The following FIG4 variants were observed in gnomAD, a reference collection of about 807,000 sequenced individuals.
The protein encoded by FIG4 is polyphosphoinositide phosphatase.
In FIG4, 112 loss-of-function variants were observed where a neutral mutation model predicts 118.6. The observed-to-expected ratio is 0.94, with a 90% CI of 0.81 to 1.11. FIG4 has a LOEUF of 1.11. Ranked by LOEUF, FIG4 falls within the 50% of genes least tolerant of loss-of-function variation. The pLI, the probability that FIG4 is intolerant of heterozygous loss-of-function variation, is 0.00. For missense variants in FIG4, 969 were observed against 1,111.7 expected (o/e 0.87, Z 1.83); for synonymous variants, 369 against 381.2 (o/e 0.97, Z 0.37).
intron 9 of FIG4, 89 bp downstream of exon 9, chr6:109,743,361 G>A: frequency 1.5e-6 from 2 of 1,324,632 alleles, no homozygotes; most frequent in Non-Finnish European, 2.2e-6. Context: ...AAATGCTTAG[G>A]TTTTCAGGAG....
chr6:109,712,610 A>C (rs773992760), intron 1 of FIG4, among the ~76,000 whole-genome samples: 1 of 152,306 alleles, frequency 6.6e-6, no homozygotes, highest in Non-Finnish European at 1.5e-5. Context: ...AATGTTCTCT[A>C]TGCTGGCTAT....
chr6:109,705,249 A>G (rs1268374013), intron 1 of FIG4, among the ~76,000 whole-genome samples: 2 of 152,220 alleles, frequency 1.3e-5, no homozygotes, highest in Non-Finnish European at 2.9e-5. Context: ...TATATTCAAT[A>G]GGAAGGAAAT....
At chr6:109,824,999 A>C in intron 22 of FIG4, 89 bp from the exon 23 acceptor site, 2 of 1,220,258 alleles carry the variant, frequency 1.6e-6, no homozygotes, top group Non-Finnish European at 2.4e-6. Context: ...ATTCAATGCC[A>C]GCGACTCTCA....
intron 15 of FIG4, among the ~76,000 whole-genome samples, chr6:109,776,359 C>T (rs1388858157): frequency 6.6e-6 from 1 of 152,156 alleles, no homozygotes; most frequent in Non-Finnish European, 1.5e-5. Context: ...ATGGGCCAGG[C>T]TCACAGCTGA....
At chr6:109,768,183 G>A (rs1203284813) in intron 15 of FIG4, among the ~76,000 whole-genome samples, 1 of 152,168 alleles carries the variant, frequency 6.6e-6, no homozygotes, top group Non-Finnish European at 1.5e-5. Context: ...GTTGGCCTGG[G>A]TCCTGGCCAG....
chr6:109,710,333 G>A (rs1200439974), intron 1 of FIG4, among the ~76,000 whole-genome samples: 2 of 152,152 alleles, frequency 1.3e-5, no homozygotes, highest in Non-Finnish European at 1.5e-5. Context: ...TAAGCTTTTT[G>A]ATGTGCTGCT....
chr6:109,768,640 A>G (rs975982449), intron 15 of FIG4, among the ~76,000 whole-genome samples: 12 of 152,192 alleles, frequency 7.9e-5, no homozygotes, highest in Admixed American at 5.2e-4. Context: ...TGTAGGACTC[A>G]TAGCAGCGTG....
chr6:109,813,878 A>G (rs1373572117), intron 22 of FIG4, among the ~76,000 whole-genome samples: 1 of 152,184 alleles, frequency 6.6e-6, no homozygotes, highest in African/African-American at 2.4e-5. Flanking sequence ...CCAAGTGAGT[A>G]AACTTGGAAG....
intron 10 of FIG4, 37 bp from the exon 11 acceptor site, chr6:109,760,212 GA>G: frequency 6.3e-7 from 1 of 1,581,718 alleles, no homozygotes; most frequent in Non-Finnish European, 8.7e-7. Context: ...CTGATTTAAG[GA>G]AATTAGAACA....
intron 3 of FIG4, among the ~76,000 whole-genome samples, chr6:109,723,603 A>G (rs961906416): frequency 1.3e-5 from 2 of 152,176 alleles, no homozygotes; most frequent in African/African-American, 4.8e-5. Flanking sequence ...CATCTAGGCC[A>G]CCTAGTTATC....
At chr6:109,694,811 A>G (rs1223917393) in intron 1 of FIG4, among the ~76,000 whole-genome samples, 1 of 152,226 alleles carries the variant, frequency 6.6e-6, no homozygotes, top group African/African-American at 2.4e-5. Context: ...AAGATATACA[A>G]ATGGCCAACA....
intron 10 of FIG4, among the ~76,000 whole-genome samples, chr6:109,756,169 A>T (rs1776890603): frequency 6.6e-6 from 1 of 152,052 alleles, no homozygotes; most frequent in Non-Finnish European, 1.5e-5. Context: ...TTGTCTGTAA[A>T]GTATTTTATT....
chr6:109,721,989 G>A (rs1358489235), intron 3 of FIG4, among the ~76,000 whole-genome samples: 2 of 151,954 alleles, frequency 1.3e-5, no homozygotes, highest in Non-Finnish European at 2.9e-5. Context: ...TAAATATACA[G>A]CAAGAATAAA....
chr6:109,754,709 T>C (rs1776825932), intron 10 of FIG4, among the ~76,000 whole-genome samples: 1 of 152,200 alleles, frequency 6.6e-6, no homozygotes, highest in Admixed American at 6.5e-5. Flanking sequence ...TTCTTCTAGA[T>C]TTTCTAGTTT....
chr6:109,712,140 G>A (rs552729154), intron 1 of FIG4, among the ~76,000 whole-genome samples: 64 of 152,286 alleles, frequency 4.2e-4, no homozygotes, highest in South Asian at 2.1e-3. Context: ...AGTTTGATGG[G>A]CTTCCCTTTG....
intron 10 of FIG4, among the ~76,000 whole-genome samples, chr6:109,757,688 G>C (rs1296830479): frequency 4.6e-5 from 7 of 152,080 alleles, no homozygotes; most frequent in African/African-American, 7.2e-5. Flanking sequence ...TGTTTGCAGA[G>C]GACATGATTG....
intron 3 of FIG4, 70 bp downstream of exon 3, chr6:109,716,638 A>C: frequency 1.3e-6 from 2 of 1,569,896 alleles, no homozygotes; most frequent in Middle Eastern, 1.7e-4. Flanking sequence ...AGACTACTTA[A>C]AGGAGTTTAT....
intron 15 of FIG4, among the ~76,000 whole-genome samples, chr6:109,768,445 G>A (rs4947018): frequency 0.042 from 6,379 of 152,228 alleles, 172 homozygotes; most frequent in South Asian, 0.084. Context: ...AGTTTTCTGC[G>A]CTGTGTAACA....
chr6:109,796,644 G>T (rs1778295151), intron 21 of FIG4, 121 bp from the exon 22 acceptor site: 2 of 762,714 alleles, frequency 2.6e-6, no homozygotes, highest in Non-Finnish European at 4.8e-6. Flanking sequence ...AGTACTCTTA[G>T]GTGTTTTTCT....
Sources: gnomAD v4.1 joint callset for allele counts (sites outside exome capture counted in the v4.1 genomes callset) on GRCh38, gnomAD v4.1.1 for gene constraint, MANE v1.5 for transcripts, NCBI Gene and HGNC (gene_info 2026-07-23, HGNC 2026-07-21) for gene names.